TG: variants seen among roughly 807,000 people sequenced by gnomAD.
The protein encoded by TG is thyroglobulin.
In TG, 270 loss-of-function variants were observed where a neutral mutation model predicts 324.7. That is an observed-to-expected ratio of 0.83 (90% CI 0.75 to 0.92). The LOEUF is 0.92. TG is among the 40% of genes least tolerant of loss of function. The probability of loss-of-function intolerance (pLI) is 0.00; values close to 1 mark genes in which losing one functional copy is unlikely to be tolerated. For synonymous variants in TG, 1,401 were observed against 1,327.0 expected (o/e 1.06, Z -1.21); for missense variants, 3,591 against 3,456.4 (o/e 1.04, Z -0.98).
At chr8:133,001,692 G>A in intron 35 of TG, 4 of 957,874 alleles carry the variant, frequency 4.2e-6, no homozygotes, top group Non-Finnish European at 5.0e-6. Flanking sequence ...ACGTGAGCTG[G>A]GCTCTTCCTT....
intron 16 of TG, among the ~76,000 whole-genome samples, chr8:132,903,218 G>A (rs907566704): frequency 2.0e-5 from 3 of 152,216 alleles, no homozygotes; most frequent in Non-Finnish European, 4.4e-5. Context: ...CCTTATAAGG[G>A]AGCAGTTCAT....
intron 27 of TG, among the ~76,000 whole-genome samples, chr8:132,954,276 T>C (rs995528669): frequency 2.0e-5 from 3 of 151,310 alleles, no homozygotes; most frequent in African/African-American, 7.4e-5. Context: ...CAGTTATTAG[T>C]TACTGCTGTC....
chr8:133,112,550 G>C (rs1318225239), intron 43 of TG, among the ~76,000 whole-genome samples: 1 of 151,704 alleles, frequency 6.6e-6, no homozygotes, highest in African/African-American at 2.4e-5. Flanking sequence ...GAAATAGAGA[G>C]AGAAGGAGAG....
At chr8:132,999,141 CA>C (rs1332251188) in intron 35 of TG, among the ~76,000 whole-genome samples, 1 of 152,054 alleles carries the variant, frequency 6.6e-6, no homozygotes, top group Non-Finnish European at 1.5e-5. Flanking sequence ...GAGACAGGTT[CA>C]GGGGGTAGCA....
chr8:133,119,404 G>C (rs1850962278), intron 45 of TG, among the ~76,000 whole-genome samples: 1 of 152,122 alleles, frequency 6.6e-6, no homozygotes, highest in South Asian at 2.1e-4. Flanking sequence ...ATCTTAGCCT[G>C]GATAATTTAT....
chr8:132,888,625 G>A (rs1587258505), intron 10 of TG, 57 bp downstream of exon 10: 394 of 1,031,704 alleles, frequency 3.8e-4, no homozygotes, highest in Admixed American at 2.4e-3. Flanking sequence ...GTGTGTGTAT[G>A]TGTGTTTAAC....
chr8:132,958,568 A>G (rs1317217714), intron 27 of TG, among the ~76,000 whole-genome samples: 1 of 152,074 alleles, frequency 6.6e-6, no homozygotes, highest in African/African-American at 2.4e-5. Context: ...AAATACAAAA[A>G]TTAGCCAGGT....
chr8:133,091,172 G>A (rs1161429727), intron 41 of TG, among the ~76,000 whole-genome samples: 1 of 152,250 alleles, frequency 6.6e-6, no homozygotes, highest in Non-Finnish European at 1.5e-5. Flanking sequence ...CGTCTTCATT[G>A]TTGTGTCTGT....
chr8:133,116,412 A>G (rs1169797402), intron 44 of TG, among the ~76,000 whole-genome samples, 197 bp from the exon 45 acceptor site: 1 of 152,128 alleles, frequency 6.6e-6, no homozygotes, highest in Non-Finnish European at 1.5e-5. Context: ...TACCTACCAT[A>G]CCCTGGCTTT....
chr8:133,011,527 T>C (rs1365717474), intron 35 of TG, among the ~76,000 whole-genome samples: 1 of 152,206 alleles, frequency 6.6e-6, no homozygotes, highest in Admixed American at 6.5e-5. Context: ...TAACCTGATA[T>C]GTCTGTTAGT....
chr8:133,033,059 T>C (rs1045099076), intron 41 of TG, among the ~76,000 whole-genome samples: 2 of 152,130 alleles, frequency 1.3e-5, no homozygotes, highest in Non-Finnish European at 2.9e-5. Flanking sequence ...GGGACTCTCT[T>C]GGGGTCTCAA....
rs577596635 is a variant in TG at position 133,070,803 on chromosome 8, C to T, written c.7240-24241C>T. ...CCTGGGAGCTGGTGTGCACACTGGC[C>T]CGTGTCTGCAGGCACCCCCGCTCCT... On this transcript the variant is annotated intron_variant, in intron 41 of 47. Transcript: ENST00000220616. Among the ~76,000 whole-genome samples, 6 of 152,286 alleles carry T rather than the reference C, an allele frequency of 3.9e-5. No homozygotes were observed. In the South Asian group the frequency reaches 1.2e-3, roughly 32 times the overall value.
At chr8:133,005,249 C>T (rs62515971) in intron 35 of TG, among the ~76,000 whole-genome samples, 36,987 of 151,914 alleles carry the variant, frequency 0.24, 4,545 homozygotes, top group Non-Finnish European at 0.26. Flanking sequence ...TGGAGGCCCT[C>T]CTGGGCAGGA....
intron 43 of TG, among the ~76,000 whole-genome samples, chr8:133,110,664 C>T (rs1034702284): frequency 2.0e-5 from 3 of 152,220 alleles, no homozygotes; most frequent in Admixed American, 1.3e-4. Flanking sequence ...GAGTGAGGTG[C>T]TTCAAAACGT....
intron 35 of TG, chr8:132,994,872 A>G: frequency 1.6e-6 from 2 of 1,241,902 alleles, no homozygotes. Context: ...TCTTGCTGTG[A>G]TGGAGTAAGA....
chr8:132,871,989 C>CTTTT (rs1839521991), intron 4 of TG, among the ~76,000 whole-genome samples: 1 of 151,898 alleles, frequency 6.6e-6, no homozygotes, highest in African/African-American at 2.4e-5. Context: ...CAGGCCTAGG[C>CTTTT]TAATGTGTGT....
intron 41 of TG, among the ~76,000 whole-genome samples, chr8:133,043,581 C>A (rs1312924191): frequency 6.6e-6 from 1 of 152,210 alleles, no homozygotes; most frequent in Non-Finnish European, 1.5e-5. Context: ...CCATATTCAC[C>A]CACCTCCCAT....
At chr8:132,922,023 A>G (rs993590177) in intron 21 of TG, among the ~76,000 whole-genome samples, 17 of 152,196 alleles carry the variant, frequency 1.1e-4, no homozygotes, top group Admixed American at 1.1e-3. Context: ...ATTCATCCAA[A>G]ATTTATTGAG....
At position 132,972,759 on chromosome 8, in the gene TG, G is replaced by T; in HGVS notation, c.6199+18G>T. On this transcript the variant is annotated intron_variant, in intron 34 of 47. Coordinates refer to ENST00000220616, the MANE Select transcript of TG (RefSeq NM_003235.5). Reference sequence around the variant, plus strand: ...GAAGCCCAGTAAGTACCCTTCTCATGACAGCTATATGGACGTCTTTAGTTA... The same window carrying T: ...GAAGCCCAGTAAGTACCCTTCTCATTACAGCTATATGGACGTCTTTAGTTA... 6.2e-7 allele frequency: 1 copy of T among 1,613,954 alleles called. No individual in the cohort carries two copies. The highest frequency in any genetic ancestry group is 8.5e-7 in the Non-Finnish European group (1 of 1,179,928).
Sources: allele counts gnomAD v4.1 joint callset (sites outside exome capture counted in the v4.1 genomes callset), GRCh38; gene constraint gnomAD v4.1.1; transcripts MANE v1.5; gene names NCBI Gene and HGNC (gene_info 2026-07-23, HGNC 2026-07-21).